The following PTPRG variants were observed in gnomAD, a reference collection of about 807,000 sequenced individuals.
The protein encoded by PTPRG is receptor-type tyrosine-protein phosphatase gamma.
Under a neutral mutation model 165.3 loss-of-function variants are expected in PTPRG, and 102 were observed. That is an observed-to-expected ratio of 0.62 (90% CI 0.53 to 0.73). PTPRG has a LOEUF of 0.73. PTPRG is among the 30% of genes least tolerant of loss of function. The pLI is 0.00. For synonymous variants in PTPRG, 675 were observed against 669.5 expected, an observed-to-expected ratio of 1.01 and a Z score of -0.13; for missense variants, 1,866 against 1,861.4, an observed-to-expected ratio of 1.00 and a Z score of -0.05.
chr3:62,132,259 C>G (rs796210090), intron 5 of PTPRG, among the ~76,000 whole-genome samples: 1 of 152,170 alleles, frequency 6.6e-6, no homozygotes, highest in African/African-American at 2.4e-5. Context: ...ATGGATTGCT[C>G]TCTCATGACT....
chr3:61,712,818 A>G (rs2031630169), intron 1 of PTPRG, among the ~76,000 whole-genome samples: 1 of 152,204 alleles, frequency 6.6e-6, no homozygotes, highest in Non-Finnish European at 1.5e-5. Context: ...ATCTAGAGCA[A>G]AACTACAAAA....
chr3:61,958,718 T>C (rs1485008152), intron 2 of PTPRG, among the ~76,000 whole-genome samples: 1 of 152,190 alleles, frequency 6.6e-6, no homozygotes, highest in Non-Finnish European at 1.5e-5. Context: ...ATCTTTGCTT[T>C]CCCCTGCTGA....
chr3:61,875,947 G>A (rs1336057991), intron 2 of PTPRG, among the ~76,000 whole-genome samples: 1 of 152,088 alleles, frequency 6.6e-6, no homozygotes, highest in East Asian at 1.9e-4. Flanking sequence ...CTGAAATCTA[G>A]TCTCTACTTT....
intron 8 of PTPRG, among the ~76,000 whole-genome samples, chr3:62,186,717 C>T (rs1699649162): frequency 6.6e-6 from 1 of 151,992 alleles, no homozygotes; most frequent in Admixed American, 6.5e-5. Context: ...AGGTGTGCGC[C>T]ACCACACCTG....
rs544542133 is a variant in PTPRG, at chr3:61,746,125, T to C, written c.86-2753T>C. 4.0e-5 allele frequency among the ~76,000 whole-genome samples: 6 copies of C among 150,946 alleles called. No individual in the cohort carries two copies. In the East Asian group the frequency reaches 1.2e-3, roughly 29 times the overall value. On this transcript the variant is annotated intron_variant, in intron 1 of 29. Coordinates refer to ENST00000474889, the MANE Select transcript of PTPRG (RefSeq NM_002841.4). The stretch of plus-strand genomic sequence containing the variant: ...GTGGAGTGGCACAATCACGGCTCAC[T>C]TGAGCCTCCCTGGCTCACGCTATCG...
intron 4 of PTPRG, among the ~76,000 whole-genome samples, chr3:62,066,399 G>C (rs1486460110): frequency 6.6e-6 from 1 of 152,116 alleles, no homozygotes; most frequent in Non-Finnish European, 1.5e-5. Context: ...AAATTCTATT[G>C]AATTTATAGG....
At chr3:62,156,977 C>A in intron 6 of PTPRG, 90 bp from the exon 7 acceptor site, 1 of 1,181,126 alleles carries the variant, frequency 8.5e-7, no homozygotes. Flanking sequence ...TGCGATGTGG[C>A]ACCAGCATGC....
intron 2 of PTPRG, among the ~76,000 whole-genome samples, chr3:61,818,794 A>G (rs937631264): frequency 5.3e-5 from 8 of 152,126 alleles, no homozygotes; most frequent in African/African-American, 1.9e-4. Context: ...AAAAATCACA[A>G]GAAAAAGTCA....
intron 1 of PTPRG, among the ~76,000 whole-genome samples, chr3:61,598,283 G>T (rs961515306): frequency 6.6e-6 from 1 of 152,006 alleles, no homozygotes; most frequent in Non-Finnish European, 1.5e-5. Flanking sequence ...TTTCCCCTTG[G>T]GTGTTTTTAT....
At chr3:61,927,478 T>A (rs1401973326) in intron 2 of PTPRG, among the ~76,000 whole-genome samples, 1 of 152,228 alleles carries the variant, frequency 6.6e-6, no homozygotes, top group Non-Finnish European at 1.5e-5. Context: ...TTGGCTGTTT[T>A]GAGAATTGTT....
intron 7 of PTPRG, among the ~76,000 whole-genome samples, chr3:62,164,689 T>G (rs1028427030): frequency 1.8e-4 from 27 of 152,356 alleles, no homozygotes; most frequent in Admixed American, 1.8e-3. Context: ...AGCATGTCAT[T>G]AAGCTGCAAT....
At chr3:61,959,423 C>A (rs564691705) in intron 2 of PTPRG, among the ~76,000 whole-genome samples, 10 of 152,250 alleles carry the variant, frequency 6.6e-5, no homozygotes, top group African/African-American at 2.4e-4. Flanking sequence ...ACTGTTCCAC[C>A]TCAGATCATC....
At chr3:61,651,097 C>T (rs1395575489) in intron 1 of PTPRG, among the ~76,000 whole-genome samples, 1 of 150,210 alleles carries the variant, frequency 6.7e-6, no homozygotes, top group Non-Finnish European at 1.5e-5. Context: ...CCCTGTTCAT[C>T]AACCTCAATT....
At chr3:61,923,926 C>T (rs1271993494) in intron 2 of PTPRG, among the ~76,000 whole-genome samples, 2 of 151,986 alleles carry the variant, frequency 1.3e-5, no homozygotes, top group Admixed American at 6.6e-5. Context: ...AACGATTCAT[C>T]TTCGAGAATA....
At chr3:61,916,879 C>T (rs193033494) in intron 2 of PTPRG, among the ~76,000 whole-genome samples, 1 of 152,196 alleles carries the variant, frequency 6.6e-6, no homozygotes, top group African/African-American at 2.4e-5. Context: ...GATAAAAATC[C>T]TACCCAGTGC....
chr3:61,626,613 G>A (rs1701615999), intron 1 of PTPRG, among the ~76,000 whole-genome samples: 1 of 152,190 alleles, frequency 6.6e-6, no homozygotes, highest in African/African-American at 2.4e-5. Context: ...AACCTTCTCA[G>A]AGTCATAGTC....
intron 2 of PTPRG, among the ~76,000 whole-genome samples, chr3:61,869,097 G>T (rs1033099030): frequency 1.3e-5 from 2 of 152,112 alleles, no homozygotes; most frequent in Non-Finnish European, 2.9e-5. Context: ...TTTTAACTCT[G>T]AGGGATTTGC....
At chr3:61,765,371 G>C (rs923995750) in intron 2 of PTPRG, among the ~76,000 whole-genome samples, 5 of 152,192 alleles carry the variant, frequency 3.3e-5, no homozygotes, top group Non-Finnish European at 7.3e-5. Flanking sequence ...AAGAGGTGGT[G>C]AGATTGCTTT....
chr3:61,821,767 A>G (rs892927015), intron 2 of PTPRG, among the ~76,000 whole-genome samples: 2 of 152,230 alleles, frequency 1.3e-5, no homozygotes, highest in African/African-American at 4.8e-5. Context: ...GAATATGATA[A>G]TGATTGAGAA....
Sources: allele counts gnomAD v4.1 joint callset (sites outside exome capture counted in the v4.1 genomes callset), GRCh38; gene constraint gnomAD v4.1.1; transcripts MANE v1.5; gene names NCBI Gene and HGNC (gene_info 2026-07-23, HGNC 2026-07-21).